The following HPGDS variants were observed in gnomAD, a reference collection of about 807,000 sequenced individuals.
HPGDS encodes hematopoietic prostaglandin D synthase.
A neutral mutation model predicts 23.1 loss-of-function variants in HPGDS; 26 were observed. The observed-to-expected ratio is 1.13, with a 90% CI of 0.83 to 1.56. The LOEUF (loss-of-function observed/expected upper bound fraction) is 1.56. Ranked by LOEUF, HPGDS falls within the 40% of genes most tolerant of loss-of-function variation. The pLI, the probability that HPGDS is intolerant of heterozygous loss-of-function variation, is 0.00. For synonymous variants in HPGDS, 95 were observed against 77.9 expected (o/e 1.22, Z -1.16); for missense variants, 268 against 236.4 (o/e 1.13, Z -0.88).
rs540236031 is a variant in HPGDS, at chr4:94,340,691, T to G, written c.-10+2104A>C. Among the ~76,000 whole-genome samples, 324 of 80,410 alleles carry G rather than the reference T, an allele frequency of 4.0e-3. 1 individual carries two copies. Among genetic ancestry groups the G allele is most frequent in the African/African-American group, 0.015 (308 of 20,364 alleles). 52.8% of individuals were successfully genotyped at this position (80,410 alleles called of 152,430 possible). A position where few individuals can be genotyped will look rare whatever the true frequency, so the allele number is the denominator to read the frequency against. On this transcript the variant is annotated intron_variant, in intron 1 of 5. Coordinates refer to ENST00000295256, the MANE Select transcript of HPGDS (RefSeq NM_014485.3). The stretch of plus-strand genomic sequence containing the variant: ...TTTTTTTTTTGAGACGGAGTTTTAC[T>G]CTTGTCGCCCAGCCTGGAGTGCAAT...
chr4:94,301,901 C>A (rs1203189445), intron 5 of HPGDS, among the ~76,000 whole-genome samples: 1 of 152,024 alleles, frequency 6.6e-6, no homozygotes, highest in African/African-American at 2.4e-5. Flanking sequence ...TAGTTAGGTT[C>A]ATTTACTTTG....
chr4:94,314,267 G>GT (rs1756346258), intron 3 of HPGDS, among the ~76,000 whole-genome samples: 1 of 152,136 alleles, frequency 6.6e-6, no homozygotes, highest in Non-Finnish European at 1.5e-5. Flanking sequence ...CATCTTTGTG[G>GT]TTTTATCTAC....
At chr4:94,316,848 A>G (rs1253344297) in intron 3 of HPGDS, among the ~76,000 whole-genome samples, 1 of 152,252 alleles carries the variant, frequency 6.6e-6, no homozygotes, top group Non-Finnish European at 1.5e-5. Flanking sequence ...ACCCTGATGC[A>G]CATAAAGTTT....
chr4:94,300,501 T>C (rs1756019196), intron 5 of HPGDS, among the ~76,000 whole-genome samples: 1 of 152,240 alleles, frequency 6.6e-6, no homozygotes, highest in Admixed American at 6.5e-5. Context: ...AGCTGATTGC[T>C]AGTGCCTCAG....
intron 3 of HPGDS, among the ~76,000 whole-genome samples, chr4:94,309,880 G>A (rs1028952262): frequency 2.6e-5 from 4 of 152,152 alleles, no homozygotes. Flanking sequence ...CTGATGGCCA[G>A]TGATGACGAG....
At chr4:94,334,727 G>T in intron 1 of HPGDS, 89 bp from the exon 2 acceptor site, 1 of 1,209,142 alleles carries the variant, frequency 8.3e-7, no homozygotes, top group Non-Finnish European at 1.1e-6. Flanking sequence ...AAACTTTATG[G>T]CATCTCTTGA....
chr4:94,323,700 G>A (rs140173103), intron 2 of HPGDS, among the ~76,000 whole-genome samples: 1,741 of 152,128 alleles, frequency 0.011, 35 homozygotes, highest in African/African-American at 0.04. Flanking sequence ...ACACTGATGG[G>A]TCTTGAGTCT....
chr4:94,338,098 G>A (rs1287426238), intron 1 of HPGDS, among the ~76,000 whole-genome samples: 1 of 152,098 alleles, frequency 6.6e-6, no homozygotes, highest in Non-Finnish European at 1.5e-5. Context: ...TGTTATATCA[G>A]AACATCCATC....
chr4:94,330,924 A>T (rs1407396689), intron 2 of HPGDS, among the ~76,000 whole-genome samples: 4 of 152,236 alleles, frequency 2.6e-5, no homozygotes, highest in Non-Finnish European at 4.4e-5. Flanking sequence ...CCCCAGAATC[A>T]CAGCAGAATC....
chr4:94,337,949 A>G (rs1270624099), intron 1 of HPGDS, among the ~76,000 whole-genome samples: 1 of 152,272 alleles, frequency 6.6e-6, no homozygotes, highest in Non-Finnish European at 1.5e-5. Context: ...GAGGCCCAAT[A>G]GCAGCTAACA....
chr4:94,332,583 C>T (rs1018863030), intron 2 of HPGDS, among the ~76,000 whole-genome samples: 4 of 152,244 alleles, frequency 2.6e-5, no homozygotes, highest in African/African-American at 7.2e-5. Flanking sequence ...GCGCCCAAAG[C>T]GGTCAGCTGG....
chr4:94,305,302 C>A (rs1179858998), intron 4 of HPGDS, among the ~76,000 whole-genome samples: 1 of 151,936 alleles, frequency 6.6e-6, no homozygotes, highest in Non-Finnish European at 1.5e-5. Context: ...GTACTTATGT[C>A]AAAAAGTTGT....
intron 4 of HPGDS, among the ~76,000 whole-genome samples, chr4:94,305,718 C>T (rs1560584165): frequency 6.6e-6 from 1 of 152,080 alleles, no homozygotes; most frequent in Non-Finnish European, 1.5e-5. Context: ...CCACTTCTAG[C>T]TGAACAATTT....
At chr4:94,312,777 C>T (rs1174614660) in intron 3 of HPGDS, among the ~76,000 whole-genome samples, 1 of 148,928 alleles carries the variant, frequency 6.7e-6, no homozygotes, top group African/African-American at 2.6e-5. Context: ...ATCTCAGTCT[C>T]TTTGTAGGTC....
chr4:94,299,619 T>C lies in HPGDS; in HGVS notation c.461A>G (p.Glu154Gly), dbSNP rs1755995634. The C allele has an allele frequency of 6.2e-7, 1 of 1,613,866 alleles. No homozygotes were observed. The highest frequency in any genetic ancestry group is 1.3e-5 in the African/African-American group (1 of 74,912). Residue 154 changes from glutamate (E) to glycine (G), a missense_variant, in exon 6 of 6, where the codon GAG (glutamate) becomes GGG (glycine). Physicochemically the swap from Glu to Gly is moderately conservative, Grantham distance 98. Coordinates refer to ENST00000295256, the MANE Select transcript of HPGDS (RefSeq NM_014485.3). Reference sequence around the variant, plus strand: ...GACCAAAAGTGTGGTACTGCAAATCTCCCAGTAGAAGTCTGCCCAAGTTAC... The same window carrying C: ...GACCAAAAGTGTGGTACTGCAAATCCCCCAGTAGAAGTCTGCCCAAGTTAC... ...NSVTWADFYW[E>G]ICSTTLLVFK...
rs78408053 is a variant in HPGDS, at chr4:94,308,007, G to A, written c.336+627C>T. Reference sequence around the variant, plus strand: ...TGAGATCCCTTATCCAACATGCTTGGGAACAGAATTGTGTTGAATTCCAGA... The same window carrying A: ...TGAGATCCCTTATCCAACATGCTTGAGAACAGAATTGTGTTGAATTCCAGA... On this transcript the variant is annotated intron_variant, in intron 4 of 5. Transcript: ENST00000295256. Among the ~76,000 whole-genome samples the A allele has an allele frequency of 4.6e-3, 694 of 152,132 alleles. 40 individuals are homozygous for A. The East Asian group carries it at 0.11, about 24-fold the overall frequency.
chr4:94,305,215 A>G (rs867160703), intron 4 of HPGDS, among the ~76,000 whole-genome samples: 1 of 152,098 alleles, frequency 6.6e-6, no homozygotes, highest in African/African-American at 2.4e-5. Context: ...AGTTTGAACT[A>G]TAAATAGGGA....
chr4:94,332,868 T>G (rs1756759461), intron 2 of HPGDS, among the ~76,000 whole-genome samples: 1 of 152,240 alleles, frequency 6.6e-6, no homozygotes, highest in Non-Finnish European at 1.5e-5. Context: ...TACCATGCTT[T>G]GGCCTGCTTT....
chr4:94,301,373 G>T (rs1296164513), intron 5 of HPGDS, among the ~76,000 whole-genome samples: 3 of 152,082 alleles, frequency 2.0e-5, no homozygotes, highest in African/African-American at 7.2e-5. Flanking sequence ...CCATGCCTAC[G>T]CCAATTAATT....
Sources: gnomAD v4.1 joint callset for allele counts (sites outside exome capture counted in the v4.1 genomes callset) on GRCh38, gnomAD v4.1.1 for gene constraint, MANE v1.5 for transcripts, NCBI Gene and HGNC (gene_info 2026-07-23, HGNC 2026-07-21) for gene names.